Variants in CLMN observed in about 807,000 individuals in gnomAD.
CLMN encodes calmin, also known as calmin (calponin-like, transmembrane).
Under a neutral mutation model 92.7 loss-of-function variants are expected in CLMN, and 57 were observed. That is an observed-to-expected ratio of 0.61 (90% CI 0.50 to 0.77). The LOEUF is 0.77. Among genes scored for constraint, CLMN ranks in the 30% least tolerant of loss-of-function variants. The pLI, the probability that CLMN is intolerant of heterozygous loss-of-function variation, is 0.00. For missense variants in CLMN, 1,158 were observed against 1,237.5 expected, an observed-to-expected ratio of 0.94 and a Z score of 0.96; for synonymous variants, 466 against 470.6, an observed-to-expected ratio of 0.99 and a Z score of 0.13.
At position 95,281,923 on chromosome 14, in the gene CLMN, G is replaced by A. The variant is rs761394279; in HGVS notation, c.82+37788C>T. On this transcript the variant is annotated intron_variant, in intron 1 of 12. Transcript: ENST00000298912. ...ATGCAGGCAGATGAAGGCAGAAAGA[G>A]AGTAGAGGCTAGGGGCGGGCTCCAC... Among the ~76,000 whole-genome samples the A allele has an allele frequency of 2.0e-5, 3 of 152,320 alleles. No individual in the cohort carries two copies. In the South Asian group the frequency reaches 6.2e-4, roughly 32 times the overall value.
rs1178381746 is a variant in CLMN, at chr14:95,215,736, G to A, written c.325-3C>T. ...GCATCAATGCTAACCAGTTTTACCT[G>A]GAGGGAAGCAATTTATGAACTTAAA... On this transcript the variant is annotated splice_polypyrimidine_tract_variant and splice_region_variant and intron_variant, in intron 4 of 12. Transcript: ENST00000298912. 5.0e-6 allele frequency: 8 copies of A among 1,612,626 alleles called. No individual in the cohort carries two copies. The highest frequency in any genetic ancestry group is 6.8e-6 in the Non-Finnish European group (8 of 1,178,850).
rs752463644 is a variant in CLMN, at chr14:95,230,071, C to A, written c.144+1G>T. 12 of 1,614,032 alleles carry A rather than the reference C, an allele frequency of 7.4e-6. No individual in the cohort carries two copies. In the East Asian group the frequency reaches 2.4e-4, roughly 33 times the overall value. ...TAGCAAACACCCAAGTGCGCCATTA[C>A]CTTTTCTAGATGTAGATTTATCCAT... On this transcript the variant is annotated splice_donor_variant, in intron 2 of 12. Coordinates refer to ENST00000298912, the MANE Select transcript of CLMN (RefSeq NM_024734.4). LOFTEE classifies it high-confidence loss of function.
Position 95,184,436 on chromosome 14 carries a change from T to C in CLMN, c.*7128A>G, listed in dbSNP as rs1896394811. On this transcript the variant is annotated 3_prime_UTR_variant, in exon 13 of 13. Transcript: ENST00000298912. ...GCAGTGCGATTGAGGCCGTGGATTG[T>C]TGAGGCATGTGTATATTTAAAAACA... The C allele has an allele frequency of 1.3e-5, 2 of 152,270 alleles. No individual in the cohort carries two copies. The highest frequency in any genetic ancestry group is 4.1e-4 in the South Asian group (2 of 4,830). The allele number at this position is 152,270 out of a possible 1,614,324, so 9.4% of individuals were successfully genotyped here.
At chr14:95,252,338 T>C (rs1898822985) in intron 1 of CLMN, among the ~76,000 whole-genome samples, 1 of 152,178 alleles carries the variant, frequency 6.6e-6, no homozygotes, top group African/African-American at 2.4e-5. Flanking sequence ...CCCACAGCAT[T>C]GCAGGGTTGC....
In CLMN at chr14:95,203,013, C is replaced by T. The variant is rs772550174; in HGVS notation, c.2336G>A (p.Ser779Asn). The T allele has an allele frequency of 7.4e-5, 120 of 1,614,020 alleles. No individual in the cohort carries two copies. The South Asian group carries it at 1.3e-3, about 17-fold the overall frequency. The change falls in exon 9 of 13, where the codon AGC (serine) becomes AAC (asparagine). Residue 779 changes from serine to asparagine, a missense_variant. By Grantham distance (46) the Ser-to-Asn change is conservative. Transcript: ENST00000298912. ...SREEEADGSQ[S>N]SSSSSVPGES... Reference sequence around the variant, plus strand: ...TCCTGGCACCGAGGAACTGGAGCTGCTCTGAGAGCCATCGGCCTCCTCCTC... The same window carrying T: ...TCCTGGCACCGAGGAACTGGAGCTGTTCTGAGAGCCATCGGCCTCCTCCTC...
intron 1 of CLMN, among the ~76,000 whole-genome samples, chr14:95,260,828 T>C (rs1212838138): frequency 1.3e-5 from 2 of 152,212 alleles, no homozygotes; most frequent in Admixed American, 6.5e-5. Context: ...ATTCTCATCA[T>C]TCACAGTATG....
intron 6 of CLMN, among the ~76,000 whole-genome samples, chr14:95,212,273 T>C (rs550941158): frequency 6.6e-4 from 100 of 152,338 alleles, no homozygotes; most frequent in Non-Finnish European, 1.2e-3. Flanking sequence ...TAGGATACTA[T>C]TTGCAGTTGG....
At chr14:95,210,601 G>A (rs1595571405) in intron 7 of CLMN, 85 bp downstream of exon 7, 7 of 1,403,748 alleles carry the variant, frequency 5.0e-6, no homozygotes, top group East Asian at 2.4e-5. Flanking sequence ...AGATTTTTCT[G>A]TATTTTCCAG....
intron 1 of CLMN, among the ~76,000 whole-genome samples, chr14:95,260,835 T>C (rs1294108843): frequency 6.6e-6 from 1 of 152,186 alleles, no homozygotes; most frequent in African/African-American, 2.4e-5. Flanking sequence ...TCATTCACAG[T>C]ATGATATTCT....
At position 95,183,116 on chromosome 14, in the gene CLMN, C is replaced by T. The variant is rs537951086; in HGVS notation, c.*8448G>A. On this transcript the variant is annotated 3_prime_UTR_variant, in exon 13 of 13. Coordinates refer to ENST00000298912, the MANE Select transcript of CLMN (RefSeq NM_024734.4). ...AAAGGACTTTTAAAAGAAGTCTTCC[C>T]ACTTCCAACCCAGAGAGGTAAATTC... is the stretch of plus-strand genomic sequence containing the variant. 6.6e-6 allele frequency: 1 copy of T among 152,350 alleles called. No homozygotes were observed. The highest frequency in any genetic ancestry group is 1.9e-4 in the East Asian group (1 of 5,194). 9.4% of individuals were successfully genotyped at this position (152,350 alleles called of 1,614,324 possible). A position where few individuals can be genotyped will look rare whatever the true frequency, so the allele number is the denominator to read the frequency against.
intron 1 of CLMN, among the ~76,000 whole-genome samples, chr14:95,292,251 G>A (rs1900597638): frequency 2.0e-5 from 3 of 152,160 alleles, no homozygotes; most frequent in Admixed American, 2.0e-4. Context: ...TCATTTCTGG[G>A]TGGCATCATT....
In CLMN at chr14:95,210,706, G is replaced by C. The variant is rs1368495432; in HGVS notation, c.782C>G (p.Pro261Arg). ...GCTACCTTCTGGCTCCAGGAGCCTG[G>C]GGATGTGCAGGGCATCCTGTGCGAT... is the stretch of plus-strand genomic sequence containing the variant. ...FSIAQDALHI[P>R]RLLEPEDIMV... is the part of the protein sequence containing the mutation. The change falls in exon 7 of 13, where the codon CCC (proline) becomes CGC (arginine). Residue 261 changes from proline to arginine, a missense_variant. Coordinates refer to ENST00000298912, the MANE Select transcript of CLMN (RefSeq NM_024734.4). 1.2e-6 allele frequency: 2 copies of C among 1,605,610 alleles called. No homozygotes were observed. The highest frequency in any genetic ancestry group is 1.7e-6 in the Non-Finnish European group (2 of 1,176,654).
intron 3 of CLMN, among the ~76,000 whole-genome samples, chr14:95,223,201 G>A (rs916328945): frequency 2.0e-5 from 3 of 152,170 alleles, no homozygotes; most frequent in Non-Finnish European, 2.9e-5. Flanking sequence ...GAAACTATGT[G>A]ACCCAAATGT....
chr14:95,206,765 T>C (rs1028929950), intron 8 of CLMN, among the ~76,000 whole-genome samples: 15 of 152,240 alleles, frequency 9.9e-5, no homozygotes, highest in African/African-American at 1.7e-4. Context: ...GACCTCAGCA[T>C]TGGGGAGATC....
intron 1 of CLMN, among the ~76,000 whole-genome samples, chr14:95,301,632 G>T (rs922116240): frequency 6.6e-6 from 1 of 152,186 alleles, no homozygotes; most frequent in Admixed American, 6.5e-5. Flanking sequence ...TGCCCACCCA[G>T]GATGGACCGG....
At chr14:95,249,598 T>C (rs1898703228) in intron 1 of CLMN, among the ~76,000 whole-genome samples, 1 of 151,940 alleles carries the variant, frequency 6.6e-6, no homozygotes, top group Admixed American at 6.5e-5. Flanking sequence ...CTTTTCTTTT[T>C]CTTTTTTTTT....
chr14:95,307,774 T>C (rs75723318), intron 1 of CLMN: 8,283 of 152,196 alleles, frequency 0.054, 230 homozygotes, highest in Middle Eastern at 0.099. Flanking sequence ...CTTGTGTACA[T>C]GAAAGAAGAG....
chr14:95,234,481 A>C (rs1897988550), intron 1 of CLMN, among the ~76,000 whole-genome samples: 1 of 152,232 alleles, frequency 6.6e-6, no homozygotes, highest in African/African-American at 2.4e-5. Flanking sequence ...CACATTGTAA[A>C]GGTGTAGGAA....
chr14:95,209,601 T>C lies in CLMN; in HGVS notation c.803-124A>G, dbSNP rs1897139134. The C allele has an allele frequency of 5.2e-6, 4 of 768,060 alleles. No homozygotes were observed. In the South Asian group the frequency reaches 6.2e-5, roughly 12 times the overall value. 47.6% of individuals were successfully genotyped at this position (768,060 alleles called of 1,614,324 possible). A position where few individuals can be genotyped will look rare whatever the true frequency, so the allele number is the denominator to read the frequency against. ...AAGGTTTTTTCTCTTTATTTTCCAC[T>C]TGAGGAACTTTAGGCTCAAAGGTGG... On this transcript the variant is annotated intron_variant, in intron 7 of 12. Transcript: ENST00000298912.
Sources: gnomAD v4.1 joint callset for allele counts (sites outside exome capture counted in the v4.1 genomes callset) on GRCh38, gnomAD v4.1.1 for gene constraint, MANE v1.5 for transcripts, NCBI Gene and HGNC (gene_info 2026-07-23, HGNC 2026-07-21) for gene names.